Variants in GGT5 observed in about 807,000 individuals in gnomAD.
GGT5 encodes gamma-glutamyltransferase 5, also known as glutathione hydrolase 5 proenzyme.
GGT5 carries 50 observed loss-of-function variants against 58.1 expected under a neutral mutation model. The observed-to-expected ratio is 0.86, with a 90% CI of 0.69 to 1.09. The LOEUF (loss-of-function observed/expected upper bound fraction) is 1.09, where lower values mean the gene tolerates loss of function less well. Among genes scored for constraint, GGT5 ranks in the 50% least tolerant of loss-of-function variants. GGT5 has a pLI of 0.00. For missense variants in GGT5, 800 were observed against 789.4 expected, an observed-to-expected ratio of 1.01 and a Z score of -0.16; for synonymous variants, 370 against 346.1, an observed-to-expected ratio of 1.07 and a Z score of -0.77.
chr22:24,238,784 ATATTATATATTTATATATATAT>A (rs2048185128), intron 1 of GGT5, among the ~76,000 whole-genome samples: 1 of 20,586 alleles, frequency 4.9e-5, no homozygotes, highest in Non-Finnish European at 7.3e-5. Context: ...TATATAATAT[ATATTATATATTTATATATATAT>A]AATATATTAT....
intron 1 of GGT5, among the ~76,000 whole-genome samples, chr22:24,236,319 C>T (rs2048093331): frequency 6.6e-6 from 1 of 152,150 alleles, no homozygotes; most frequent in Non-Finnish European, 1.5e-5. Context: ...TTCTTCCTTC[C>T]CCACATCCAA....
intron 1 of GGT5, among the ~76,000 whole-genome samples, chr22:24,238,101 C>G (rs1164372324): frequency 6.6e-6 from 1 of 151,602 alleles, no homozygotes; most frequent in African/African-American, 2.4e-5. Context: ...TGGTTGTGGG[C>G]ACCTGTAATC....
chr22:24,226,485 C>T (rs2047769230), intron 7 of GGT5, 146 bp downstream of exon 7: 5 of 902,606 alleles, frequency 5.5e-6, no homozygotes, highest in Non-Finnish European at 8.4e-6. Flanking sequence ...ACCTGCCACC[C>T]CGGGATCCCT....
At chr22:24,225,223 G>C (rs777095964) in intron 10 of GGT5, 22 bp downstream of exon 10, 2 of 1,610,346 alleles carry the variant, frequency 1.2e-6, no homozygotes, top group Non-Finnish European at 1.7e-6. Flanking sequence ...GGAGACACTC[G>C]AGCCAGGAGC....
intron 1 of GGT5, chr22:24,241,177 A>C (rs1362925447): frequency 6.6e-6 from 1 of 151,832 alleles, no homozygotes; most frequent in Non-Finnish European, 1.5e-5. Context: ...AAAAAAAAAA[A>C]ACACGAGGTT....
rs998382730 is a variant in GGT5, at chr22:24,226,048, C to T, written c.1229+28G>A. 2.0e-6 allele frequency: 3 copies of T among 1,495,664 alleles called. No homozygotes were observed. The Admixed American group carries it at 6.1e-5, about 31-fold the overall frequency. 92.6% of individuals were successfully genotyped at this position (1,495,664 alleles called of 1,614,324 possible). On this transcript the variant is annotated intron_variant, in intron 8 of 11. Coordinates refer to ENST00000327365, the MANE Select transcript of GGT5 (RefSeq NM_004121.5). ...AGGTCTAGGAGAGGAGGAGTGAAGC[C>T]ATCCGCCTTCCCCCAGGCCCTACGC...
At chr22:24,220,373 T>C (rs1601361232) in intron 11 of GGT5, 5 of 607,824 alleles carry the variant, frequency 8.2e-6, no homozygotes, top group Admixed American at 2.2e-5. Flanking sequence ...CAAGTTCATG[T>C]CTGTTCTGGA....
intron 6 of GGT5, among the ~76,000 whole-genome samples, chr22:24,228,847 C>T (rs1396278608): frequency 6.6e-6 from 1 of 151,214 alleles, no homozygotes; most frequent in Non-Finnish European, 1.5e-5. Context: ...AATCCCAACA[C>T]TTTGGGAGGC....
chr22:24,244,230 G>A (rs1453063544), intron 1 of GGT5: 6 of 307,928 alleles, frequency 1.9e-5, no homozygotes, highest in East Asian at 6.5e-5. Flanking sequence ...GCCTCCTTGC[G>A]CCCAAGACCT....
Position 24,225,571 on chromosome 22 carries a change from C to T in GGT5, c.1311G>A (p.Arg437=), listed in dbSNP as rs772642258. The T allele has an allele frequency of 5.0e-6, 8 of 1,612,906 alleles. No homozygotes were observed. The highest frequency in any genetic ancestry group is 6.8e-6 in the Non-Finnish European group (8 of 1,178,924). ...ELLDLCERCP[R]GSGTTPSPVS... ...CAGGTGAGGGGGTGGTGCCGGAACC[C>T]CGGGGGCATCGCTCGCATAAGTCCA... Residue 437 remains arginine (R), a synonymous_variant, in exon 9 of 12, where the codon CGG becomes CGA. Transcript: ENST00000327365.
intron 1 of GGT5, 107 bp downstream of exon 1, chr22:24,244,442 TCACA>T (rs368450108): frequency 1.1e-6 from 1 of 901,006 alleles, no homozygotes; most frequent in South Asian, 1.5e-5. Context: ...ACCCAGACAC[TCACA>T]CACACACCCA....
Position 24,239,295 on chromosome 22 carries a change from T to C in GGT5, c.173+5258A>G, listed in dbSNP as rs2048265037. ...CAGAGCTTGCAGTGAGCCGAGATTGTGCCACTGCACTCCAGCCTGGGCGAC... is the reference window on the plus strand; with the variant it reads ...CAGAGCTTGCAGTGAGCCGAGATTGCGCCACTGCACTCCAGCCTGGGCGAC... On this transcript the variant is annotated intron_variant, in intron 1 of 11. Coordinates refer to ENST00000327365, the MANE Select transcript of GGT5 (RefSeq NM_004121.5). Among the ~76,000 whole-genome samples, 7 of 151,064 alleles carry C rather than the reference T, an allele frequency of 4.6e-5. No homozygotes were observed. The South Asian group carries it at 1.3e-3, about 27-fold the overall frequency.
At position 24,232,982 on chromosome 22, in the gene GGT5, C is replaced by A; in HGVS notation, c.437G>T (p.Gly146Val). Reference sequence around the variant, plus strand: ...ATGGCGGCGGTGGGCCTCGGCATAGCCACGGAGCTCCCCGGGCACCCCGAT... The same window carrying A: ...ATGGCGGCGGTGGGCCTCGGCATAGACACGGAGCTCCCCGGGCACCCCGAT... ...QWIGVPGELR[G>V]YAEAHRRHGR... is the part of the protein sequence containing the mutation. The change falls in exon 4 of 12, where the codon GGC becomes GTC. Residue 146 changes from glycine (G) to valine (V), a missense_variant. By Grantham distance (109) the Gly-to-Val change is moderately radical. Coordinates refer to ENST00000327365, the MANE Select transcript of GGT5 (RefSeq NM_004121.5). 1 of 1,557,652 alleles carries A rather than the reference C, an allele frequency of 6.4e-7. No homozygotes were observed. The highest frequency in any genetic ancestry group is 8.7e-7 in the Non-Finnish European group (1 of 1,151,476).
intron 1 of GGT5, among the ~76,000 whole-genome samples, chr22:24,240,907 C>T (rs1486641174): frequency 6.6e-6 from 1 of 152,240 alleles, no homozygotes; most frequent in South Asian, 2.1e-4. Context: ...CCTGTAATCC[C>T]AGCACTTTGG....
intron 6 of GGT5, among the ~76,000 whole-genome samples, chr22:24,228,306 C>A (rs1220854398): frequency 6.6e-6 from 1 of 151,992 alleles, no homozygotes; most frequent in African/African-American, 2.4e-5. Flanking sequence ...CTCAAAAACA[C>A]AACAGCTCAC....
In GGT5 at chr22:24,222,741, C is replaced by T. The variant is rs183062914; in HGVS notation, c.1614+2255G>A. Among the ~76,000 whole-genome samples the T allele has an allele frequency of 1.8e-3, 281 of 152,302 alleles. 1 individual carries two copies. In the Middle Eastern group the frequency reaches 0.024, roughly 13 times the overall value. The stretch of plus-strand genomic sequence containing the variant: ...ATTTCACGTCCCCAGGGTGAAAGGT[C>T]CTGAGAATTGATGTTCACAAAGACA... On this transcript the variant is annotated intron_variant, in intron 11 of 11. Coordinates refer to ENST00000327365, the MANE Select transcript of GGT5 (RefSeq NM_004121.5).
At chr22:24,229,560 G>C (rs960804415) in intron 6 of GGT5, among the ~76,000 whole-genome samples, 2 of 151,862 alleles carry the variant, frequency 1.3e-5, no homozygotes, top group Non-Finnish European at 2.9e-5. Flanking sequence ...GACCAGATGC[G>C]GTGGCTCATG....
chr22:24,237,181 G>A (rs189967199), intron 1 of GGT5, among the ~76,000 whole-genome samples: 8 of 151,938 alleles, frequency 5.3e-5, no homozygotes, highest in East Asian at 1.9e-4. Flanking sequence ...GACTATAGGC[G>A]TGAGCCACCA....
chr22:24,225,603 CGTT>C lies in GGT5; in HGVS notation c.1276_1278del (p.Asn426del), dbSNP rs756137997. ...CATCGCTCGCATAAGTCCAGGAGCTCGTTGTTGAGGATGATGCCTGTCCGTGGT... is the reference window on the plus strand; with the variant it reads ...CATCGCTCGCATAAGTCCAGGAGCTCGTTGAGGATGATGCCTGTCCGTGGT... On this transcript the variant is annotated inframe_deletion, in exon 9 of 12. Coordinates refer to ENST00000327365, the MANE Select transcript of GGT5 (RefSeq NM_004121.5). The C allele has an allele frequency of 2.5e-6, 4 of 1,613,498 alleles. No homozygotes were observed. The Admixed American group carries it at 5.0e-5, about 20-fold the overall frequency.
Sources: gnomAD v4.1 joint callset for allele counts (sites outside exome capture counted in the v4.1 genomes callset) on GRCh38, gnomAD v4.1.1 for gene constraint, MANE v1.5 for transcripts, NCBI Gene and HGNC (gene_info 2026-07-23, HGNC 2026-07-21) for gene names.